The following TMEM232 variants were observed in gnomAD, a reference collection of about 807,000 sequenced individuals.
TMEM232 encodes transmembrane protein 232.
TMEM232 carries 80 observed loss-of-function variants against 78.8 expected under a neutral mutation model. That is an observed-to-expected ratio of 1.01 (90% CI 0.85 to 1.22). The LOEUF (loss-of-function observed/expected upper bound fraction) is 1.22. Among genes scored for constraint, TMEM232 ranks in the 50% most tolerant of loss-of-function variants. The pLI, the probability that TMEM232 is intolerant of heterozygous loss-of-function variation, is 0.00. For synonymous variants in TMEM232, 297 were observed against 254.3 expected (o/e 1.17, Z -1.60); for missense variants, 881 against 742.2 (o/e 1.19, Z -2.17).
At chr5:110,727,177 T>C (rs1021401969), upstream of TMEM232, among the ~76,000 whole-genome samples, 1 of 152,040 alleles carries the variant, frequency 6.6e-6, no homozygotes. Flanking sequence ...AAAGGTAGTA[T>C]GCAATAGAAT....
chr5:110,476,781 G>A (rs138885322), intron 12 of TMEM232, among the ~76,000 whole-genome samples: 2 of 151,982 alleles, frequency 1.3e-5, no homozygotes, highest in African/African-American at 2.4e-5. Flanking sequence ...TATGAATGGT[G>A]GGAGGAATGT....
chr5:110,637,128 TTTA>T (rs1785956575), intron 5 of TMEM232, among the ~76,000 whole-genome samples: 1 of 150,140 alleles, frequency 6.7e-6, no homozygotes, highest in South Asian at 2.1e-4. Context: ...TTTTATATAT[TTTA>T]TTTTTACTTA....
chr5:110,602,380 T>C (rs1483005797), intron 10 of TMEM232, among the ~76,000 whole-genome samples: 8 of 151,410 alleles, frequency 5.3e-5, no homozygotes, highest in Admixed American at 4.6e-4. Flanking sequence ...TGGAAGAAAA[T>C]TTTTTCAATC....
At chr5:110,728,151 A>G (rs1798336627), upstream of TMEM232, among the ~76,000 whole-genome samples, 1 of 152,080 alleles carries the variant, frequency 6.6e-6, no homozygotes, top group African/African-American at 2.4e-5. Flanking sequence ...TAGAGAAAAA[A>G]AGTCACCCCA....
intron 5 of TMEM232, among the ~76,000 whole-genome samples, chr5:110,632,733 A>G (rs1204795491): frequency 6.6e-6 from 1 of 152,180 alleles, no homozygotes; most frequent in Non-Finnish European, 1.5e-5. Context: ...AAAGAAAAAA[A>G]ACAAAGTCTC....
chr5:110,531,331 A>G (rs899148228), intron 11 of TMEM232, among the ~76,000 whole-genome samples: 1 of 152,188 alleles, frequency 6.6e-6, no homozygotes. Context: ...GACACACATG[A>G]AATTTGGTGC....
intron 1 of TMEM232, among the ~76,000 whole-genome samples, chr5:110,682,779 G>A (rs754516342): frequency 1.3e-4 from 20 of 152,076 alleles, no homozygotes; most frequent in Non-Finnish European, 2.6e-4. Context: ...TCCACTATGA[G>A]CTTTTCAGTA....
chr5:110,593,031 T>A (rs900297508), intron 10 of TMEM232, among the ~76,000 whole-genome samples: 1 of 152,168 alleles, frequency 6.6e-6, no homozygotes, highest in Non-Finnish European at 1.5e-5. Flanking sequence ...TTCTTGGATG[T>A]CATACCAAAC....
At chr5:110,437,885 T>C (rs1173875077) in intron 12 of TMEM232, among the ~76,000 whole-genome samples, 2 of 152,098 alleles carry the variant, frequency 1.3e-5, no homozygotes, top group African/African-American at 2.4e-5. Context: ...ATAGGGCCAA[T>C]ATTAATTGCC....
chr5:110,488,155 C>T (rs1303567084), intron 12 of TMEM232, among the ~76,000 whole-genome samples: 1 of 151,994 alleles, frequency 6.6e-6, no homozygotes, highest in South Asian at 2.1e-4. Context: ...GTGTTCATTG[C>T]AGCCTTGAAT....
At chr5:110,711,539 A>G (rs1021892418) in intron 1 of TMEM232, among the ~76,000 whole-genome samples, 16 of 152,316 alleles carry the variant, frequency 1.1e-4, no homozygotes, top group African/African-American at 3.8e-4. Flanking sequence ...TATACTTCAA[A>G]TTATACTATA....
rs1784271937 is a variant in TMEM232, at chr5:110,625,268, A to G, written c.767T>C (p.Met256Thr). ...KKRYENTDSD[M>T]GGYEINHLLW... Reference sequence around the variant, plus strand: ...TACCCACCATACCAGATTACTCACCATATCAGAATCTGTGTTCTCATATCT... The same window carrying G: ...TACCCACCATACCAGATTACTCACCGTATCAGAATCTGTGTTCTCATATCT... The change falls in exon 7 of 14, where the codon ATG becomes ACG. Residue 256 changes from methionine to threonine, a missense_variant and splice_region_variant. By Grantham distance (81) the Met-to-Thr change is moderately conservative. Transcript: ENST00000455884. 4 of 1,531,942 alleles carry G rather than the reference A, an allele frequency of 2.6e-6. No individual in the cohort carries two copies. Among genetic ancestry groups the G allele is most frequent in the Non-Finnish European group, 3.5e-6 (4 of 1,137,890 alleles). The allele number at this position is 1,531,942 out of a possible 1,614,324, so 94.9% of individuals were successfully genotyped here.
intron 1 of TMEM232, among the ~76,000 whole-genome samples, chr5:110,684,550 T>A (rs1793157543): frequency 6.6e-6 from 1 of 152,092 alleles, no homozygotes. Context: ...ATTTTAAACA[T>A]GTTAGAGAAA....
chr5:110,433,738 C>A (rs1758107040), intron 12 of TMEM232, among the ~76,000 whole-genome samples: 1 of 37,658 alleles, frequency 2.7e-5, no homozygotes, highest in Non-Finnish European at 4.9e-5. Flanking sequence ...TGGTTATGAT[C>A]AAATCGTTTT....
Position 110,625,290 on chromosome 5 carries a change from ATCTTT to A in TMEM232, c.740_744del (p.Lys247IlefsTer2), listed in dbSNP as rs1000084129. On this transcript the variant is annotated frameshift_variant, in exon 7 of 14. Transcript: ENST00000455884. LOFTEE classifies it high-confidence loss of function. Reference sequence around the variant, plus strand: ...ACCATATCAGAATCTGTGTTCTCATATCTTTTCTTATCTTCCACAGGTCTAAAAAT... The same window carrying A: ...ACCATATCAGAATCTGTGTTCTCATATCTTATCTTCCACAGGTCTAAAAAT... 1.8e-5 allele frequency: 27 copies of A among 1,541,396 alleles called. No homozygotes were observed. The Admixed American group carries it at 4.7e-4, about 27-fold the overall frequency.
intron 11 of TMEM232, among the ~76,000 whole-genome samples, chr5:110,548,577 C>T (rs1774072028): frequency 6.6e-6 from 1 of 151,162 alleles, no homozygotes; most frequent in African/African-American, 2.4e-5. Context: ...AAATCTTTTC[C>T]CAAAAGGCAA....
intron 10 of TMEM232, among the ~76,000 whole-genome samples, chr5:110,581,292 C>A (rs1303169559): frequency 6.6e-6 from 1 of 151,950 alleles, no homozygotes; most frequent in Non-Finnish European, 1.5e-5. Context: ...GTAGCCAAAA[C>A]AGCATGGTAC....
chr5:110,601,050 C>T (rs1188421435), intron 10 of TMEM232, among the ~76,000 whole-genome samples: 1 of 152,110 alleles, frequency 6.6e-6, no homozygotes, highest in Admixed American at 6.6e-5. Flanking sequence ...GAACCAATGA[C>T]AAAAGCCACA....
intron 1 of TMEM232, among the ~76,000 whole-genome samples, chr5:110,711,373 A>G (rs1020191880): frequency 1.3e-5 from 2 of 152,176 alleles, no homozygotes; most frequent in Admixed American, 1.3e-4. Context: ...CCCTATCAAA[A>G]TACCAATGAA....
Sources: allele counts gnomAD v4.1 joint callset (sites outside exome capture counted in the v4.1 genomes callset), GRCh38; gene constraint gnomAD v4.1.1; transcripts MANE v1.5; gene names NCBI Gene and HGNC (gene_info 2026-07-23, HGNC 2026-07-21).